TREH: variants seen among roughly 807,000 people sequenced by gnomAD.
The protein encoded by TREH is trehalase, also known as alpha,alpha-trehalose glucohydrolase.
TREH carries 69 observed loss-of-function variants against 80.5 expected under a neutral mutation model. The ratio of observed to expected loss-of-function variants is 0.86; its 90% confidence interval spans 0.71 to 1.05. The LOEUF (loss-of-function observed/expected upper bound fraction) is 1.05. TREH is among the 50% of genes least tolerant of loss of function. The pLI, the probability that TREH is intolerant of heterozygous loss-of-function variation, is 0.00. For synonymous variants in TREH, 309 were observed against 293.5 expected (o/e 1.05, Z -0.54); for missense variants, 716 against 718.8 (o/e 1.00, Z 0.04).
chr11:118,661,452 T>A lies in TREH; in HGVS notation c.675A>T (p.Pro225=). 1 of 1,613,468 alleles carries A rather than the reference T, an allele frequency of 6.2e-7. No individual in the cohort carries two copies. The highest frequency in any genetic ancestry group is 2.2e-5 in the East Asian group (1 of 44,824). ...AGCAATCCATCATGAGGGTCAAGAG[T>A]GGGGGCTGGCTCCGCTGCAGGTAGT... The part of the protein sequence containing the change: ...RVYYLQRSQP[P]LLTLMMDCYL... The change falls in exon 7 of 15, where the codon CCA becomes CCT. Residue 225 remains proline (P), a synonymous_variant. Transcript: ENST00000264029. The surrounding 1 kb of genome is among the most constrained non-coding windows in gnomAD (Gnocchi z 4.2).
Position 118,661,021 on chromosome 11 carries a change from G to T in TREH, c.858-106C>A. 6.4e-7 allele frequency: 1 copy of T among 1,551,938 alleles called. No individual in the cohort carries two copies. The highest frequency in any genetic ancestry group is 8.7e-7 in the Non-Finnish European group (1 of 1,143,578). ...GATCCAGCTGCCCTTGGGCCCCACAGCCCAGGATTGCAGAGGGCTCTCGGT... is the reference window on the plus strand; with the variant it reads ...GATCCAGCTGCCCTTGGGCCCCACATCCCAGGATTGCAGAGGGCTCTCGGT... On this transcript the variant is annotated intron_variant, in intron 8 of 14. Coordinates refer to ENST00000264029, the MANE Select transcript of TREH (RefSeq NM_007180.3). This position sits in a 1 kb window ranked among gnomAD's most constrained non-coding sequence, Gnocchi z 4.2.
intron 1 of TREH, among the ~76,000 whole-genome samples, chr11:118,668,484 G>C (rs1053141729): frequency 5.3e-3 from 2 of 376 alleles, no homozygotes; most frequent in Non-Finnish European, 8.8e-3. Flanking sequence ...GATCGCTTGA[G>C]CCCAGGCAGG....
intron 1 of TREH, among the ~76,000 whole-genome samples, chr11:118,676,769 C>A (rs868928185): frequency 1.6e-4 from 23 of 146,010 alleles, no homozygotes; most frequent in South Asian, 2.1e-4. Flanking sequence ...ATTGCTGTCT[C>A]AAAAAAAAAA....
At position 118,679,617 on chromosome 11, in the gene TREH, C is replaced by A; in HGVS notation, c.11G>T (p.Arg4Met). MPGRTWELCLLLLL... is the reference protein window; with the variant it reads MPGMTWELCLLLLL... ...CAGTAGCAGGCACAGCTCCCAGGTC[C>A]TCCCTGGCATGGTGGCTGTGACTGT... Residue 4 changes from arginine (R) to methionine (M), a missense_variant, in exon 1 of 15, where the codon AGG becomes ATG. By Grantham distance (91) the Arg-to-Met change is moderately conservative (BLOSUM62 -1). Coordinates refer to ENST00000264029, the MANE Select transcript of TREH (RefSeq NM_007180.3). 6.5e-7 allele frequency: 1 copy of A among 1,531,974 alleles called. No homozygotes were observed. The highest frequency in any genetic ancestry group is 1.4e-5 in the African/African-American group (1 of 73,132). The allele number at this position is 1,531,974 out of a possible 1,614,324, so 94.9% of individuals were successfully genotyped here.
At chr11:118,658,582 C>T in intron 14 of TREH, 98 bp downstream of exon 14, 2 of 1,523,108 alleles carry the variant, frequency 1.3e-6, no homozygotes, top group South Asian at 1.2e-5. Context: ...CCCCCGGGCC[C>T]ACATGCAGGT....
Position 118,660,919 on chromosome 11 carries a change from G to A in TREH, c.858-4C>T, listed in dbSNP as rs782012163. On this transcript the variant is annotated splice_polypyrimidine_tract_variant and splice_region_variant and intron_variant, in intron 8 of 14. Coordinates refer to ENST00000264029, the MANE Select transcript of TREH (RefSeq NM_007180.3). ...ATCTTTGCTGTAGGACTCAGGCCTG[G>A]CAAAGAGGAGAGGTGGGCAGCCTGG... 1.3e-6 allele frequency: 2 copies of A among 1,569,526 alleles called. No homozygotes were observed. The highest frequency in any genetic ancestry group is 1.2e-5 in the South Asian group (1 of 85,258).
chr11:118,675,369 C>T (rs376073029), intron 1 of TREH, among the ~76,000 whole-genome samples: 20 of 152,274 alleles, frequency 1.3e-4, no homozygotes, highest in African/African-American at 4.8e-4. Context: ...CTGAGTGAGA[C>T]GGCCTCACTT....
intron 1 of TREH, among the ~76,000 whole-genome samples, chr11:118,678,466 C>T (rs544619175): frequency 6.6e-5 from 10 of 151,992 alleles, no homozygotes; most frequent in East Asian, 3.8e-4. Context: ...CAAGTTCAAG[C>T]GACTCTCCTG....
In TREH at chr11:118,658,745, C is replaced by T. The variant is rs781853234; in HGVS notation, c.1546-12G>A. ...TTGCTGACGTCATACTGGGGACAAG[C>T]GGGTGGGCTGTATGTCAGGTACTGC... On this transcript the variant is annotated splice_polypyrimidine_tract_variant and intron_variant, in intron 13 of 14. Transcript: ENST00000264029. 8.1e-6 allele frequency: 13 copies of T among 1,607,624 alleles called. No individual in the cohort carries two copies. The highest frequency in any genetic ancestry group is 1.3e-5 in the African/African-American group (1 of 74,768).
intron 1 of TREH, among the ~76,000 whole-genome samples, chr11:118,664,243 G>A (rs1949356308): frequency 6.6e-6 from 1 of 152,234 alleles, no homozygotes; most frequent in African/African-American, 2.4e-5. Flanking sequence ...TTTATGGGTA[G>A]AAAGACCTTG....
At chr11:118,678,846 G>C (rs542921466) in intron 1 of TREH, among the ~76,000 whole-genome samples, 8 of 152,276 alleles carry the variant, frequency 5.3e-5, no homozygotes, top group Admixed American at 5.2e-4. Context: ...GACCTGCCCT[G>C]GGTCACAGAG....
chr11:118,670,482 A>G (rs191764971), intron 1 of TREH, among the ~76,000 whole-genome samples: 1 of 152,356 alleles, frequency 6.6e-6, no homozygotes, highest in Non-Finnish European at 1.5e-5. Flanking sequence ...ATCAACATGA[A>G]TATGCCGAAA....
chr11:118,663,514 G>A, intron 1 of TREH, 75 bp from the exon 2 acceptor site: 1 of 1,220,574 alleles, frequency 8.2e-7, no homozygotes, highest in Non-Finnish European at 1.2e-6. Context: ...GCTAGAGTCT[G>A]TGGTAGACTG....
intron 1 of TREH, among the ~76,000 whole-genome samples, chr11:118,665,364 G>T (rs184974816): frequency 3.2e-4 from 48 of 152,134 alleles, no homozygotes; most frequent in South Asian, 1.0e-3. Flanking sequence ...AACTGGCTGG[G>T]TGCAGTGGCT....
chr11:118,661,621 G>A lies in TREH; in HGVS notation c.617+16C>T, dbSNP rs782227517. On this transcript the variant is annotated intron_variant, in intron 6 of 14. Transcript: ENST00000264029. The surrounding 1 kb of genome is among the most constrained non-coding windows in gnomAD (Gnocchi z 4.2). ...TCTCCTCCCCACCTAGGCTGGAGGTGCCTGGCCCCCCTCACGTTTTCACCA... is the reference window on the plus strand; with the variant it reads ...TCTCCTCCCCACCTAGGCTGGAGGTACCTGGCCCCCCTCACGTTTTCACCA... The A allele has an allele frequency of 1.2e-6, 2 of 1,613,862 alleles. No individual in the cohort carries two copies. Among genetic ancestry groups the A allele is most frequent in the Admixed American group, 1.7e-5 (1 of 60,018 alleles).
rs782106363 is a variant in TREH at position 118,662,872 on chromosome 11, C to T, written c.423+9G>A. 80 of 1,570,544 alleles carry T rather than the reference C, an allele frequency of 5.1e-5. No individual in the cohort carries two copies. Among genetic ancestry groups the T allele is most frequent in the Middle Eastern group, 5.0e-4 (3 of 6,038 alleles). ...GGTCAGGCCTTGGGCAGGCCCAGGA[C>T]GCTGATACCTTCTTCCCCAGCTTCT... On this transcript the variant is annotated intron_variant, in intron 4 of 14. Transcript: ENST00000264029.
At chr11:118,666,066 G>A (rs1157257448) in intron 1 of TREH, among the ~76,000 whole-genome samples, 5 of 152,134 alleles carry the variant, frequency 3.3e-5, no homozygotes, top group East Asian at 1.9e-4. Flanking sequence ...CAACACCCCC[G>A]TCTCTACTAA....
In TREH at chr11:118,674,835, C is replaced by T. The variant is rs1555146669; in HGVS notation, c.89+4704G>A. On this transcript the variant is annotated intron_variant, in intron 1 of 14. Transcript: ENST00000264029. The surrounding 1 kb of genome is among the most constrained non-coding windows in gnomAD (Gnocchi z 4.4). ...GGGATTACAGGCGTGAGCCACTGCA[C>T]CTGGCTGCATTTTTATATTCTCTCA... Among the ~76,000 whole-genome samples the T allele has an allele frequency of 6.6e-6, 1 of 152,206 alleles. No individual in the cohort carries two copies. The highest frequency in any genetic ancestry group is 2.4e-5 in the African/African-American group (1 of 41,446).
At chr11:118,665,885 T>C (rs1949372794) in intron 1 of TREH, among the ~76,000 whole-genome samples, 1 of 152,170 alleles carries the variant, frequency 6.6e-6, no homozygotes, top group Admixed American at 6.5e-5. Context: ...CTGCTGGCAA[T>C]GTGGATCAGC....
Sources: gnomAD v4.1 joint callset for allele counts (sites outside exome capture counted in the v4.1 genomes callset) on GRCh38, gnomAD v4.1.1 for gene constraint, Gnocchi (gnomAD v3.1) non-coding constraint, MANE v1.5 for transcripts, NCBI Gene and HGNC (gene_info 2026-07-23, HGNC 2026-07-21) for gene names.